The following ICA1 variants were observed in gnomAD, a reference collection of about 807,000 sequenced individuals.
The protein encoded by ICA1 is islet cell autoantigen 1, also known as 69 kDa islet cell autoantigen.
ICA1 carries 40 observed loss-of-function variants against 71.0 expected under a neutral mutation model. The ratio of observed to expected loss-of-function variants is 0.56; its 90% CI spans 0.44 to 0.73. The LOEUF is 0.73. Ranked by LOEUF, ICA1 falls within the 30% of genes least tolerant of loss-of-function variation. The pLI is 0.00. For missense variants in ICA1, 578 were observed against 576.5 expected, an observed-to-expected ratio of 1.00 and a Z score of -0.03; for synonymous variants, 207 against 209.5, an observed-to-expected ratio of 0.99 and a Z score of 0.10.
chr7:8,206,065 A>T (rs936741259), intron 6 of ICA1, among the ~76,000 whole-genome samples: 2 of 152,250 alleles, frequency 1.3e-5, no homozygotes, highest in African/African-American at 4.8e-5. Flanking sequence ...CTGATGCTAA[A>T]CATAGAACAT....
chr7:8,147,294 T>C (rs573098546), intron 8 of ICA1, among the ~76,000 whole-genome samples: 2 of 152,134 alleles, frequency 1.3e-5, no homozygotes, highest in East Asian at 3.9e-4. Flanking sequence ...TTCAACCCCT[T>C]CCCCTGTTGG....
At chr7:8,215,642 G>A (rs564968168) in intron 6 of ICA1, among the ~76,000 whole-genome samples, 1 of 152,320 alleles carries the variant, frequency 6.6e-6, no homozygotes, top group East Asian at 1.9e-4. Flanking sequence ...ACAAATAAAT[G>A]AATGAGTGGA....
chr7:8,176,863 G>C (rs1458971965), intron 6 of ICA1, among the ~76,000 whole-genome samples: 3 of 152,168 alleles, frequency 2.0e-5, no homozygotes, highest in Non-Finnish European at 4.4e-5. Flanking sequence ...ATTTCACAAA[G>C]AAGGAAAGCA....
chr7:8,178,242 T>C (rs1020146443), intron 6 of ICA1, among the ~76,000 whole-genome samples: 1 of 152,166 alleles, frequency 6.6e-6, no homozygotes, highest in Admixed American at 6.5e-5. Flanking sequence ...CCATACCTTC[T>C]AGGAAGCACA....
At chr7:8,227,237 G>C (rs1798857752) in intron 4 of ICA1, among the ~76,000 whole-genome samples, 1 of 152,166 alleles carries the variant, frequency 6.6e-6, no homozygotes, top group African/African-American at 2.4e-5. Context: ...TACTTTGATT[G>C]AAAGCAGTGC....
chr7:8,237,307 T>C lies in ICA1; in HGVS notation c.-79-1302A>G, dbSNP rs899784982. Among the ~76,000 whole-genome samples, 10 of 152,286 alleles carry C rather than the reference T, an allele frequency of 6.6e-5. No homozygotes were observed. The South Asian group carries it at 1.0e-3, about 16-fold the overall frequency. ...CAGACAGCTTCACTGTAAGTACACATTTACTTTAGTTAGCTTGAAATTTCC... is the reference window on the plus strand; with the variant it reads ...CAGACAGCTTCACTGTAAGTACACACTTACTTTAGTTAGCTTGAAATTTCC... On this transcript the variant is annotated intron_variant, in intron 1 of 13. Coordinates refer to ENST00000402384, the MANE Select transcript of ICA1 (RefSeq NM_001136020.3).
chr7:8,160,477 A>G (rs1247547687), intron 6 of ICA1, among the ~76,000 whole-genome samples: 1 of 152,204 alleles, frequency 6.6e-6, no homozygotes, highest in Non-Finnish European at 1.5e-5. Context: ...AAGCCATGCT[A>G]TTCTGCCTCC....
At chr7:8,185,162 C>G (rs539413027) in intron 6 of ICA1, among the ~76,000 whole-genome samples, 1 of 151,706 alleles carries the variant, frequency 6.6e-6, no homozygotes, top group South Asian at 2.1e-4. Flanking sequence ...AAAGTCAGCT[C>G]AAATTCAAAC....
At chr7:8,259,813 A>G (rs1270944272) in intron 1 of ICA1, among the ~76,000 whole-genome samples, 2 of 152,240 alleles carry the variant, frequency 1.3e-5, no homozygotes, top group Admixed American at 1.3e-4. Context: ...GAAATGTATC[A>G]GCTTGGGAAT....
chr7:8,181,210 T>C (rs1782107220), intron 6 of ICA1, among the ~76,000 whole-genome samples: 1 of 152,264 alleles, frequency 6.6e-6, no homozygotes, highest in African/African-American at 2.4e-5. Context: ...ATCCAACTGA[T>C]CCAGCGTAAT....
At chr7:8,139,991 C>T (rs930846998) in intron 10 of ICA1, among the ~76,000 whole-genome samples, 5 of 152,082 alleles carry the variant, frequency 3.3e-5, no homozygotes, top group South Asian at 2.1e-4. Context: ...ACAAGATGAT[C>T]GACATTTACA....
intron 2 of ICA1, among the ~76,000 whole-genome samples, chr7:8,235,507 T>C (rs561934968): frequency 2.7e-4 from 41 of 152,224 alleles, no homozygotes; most frequent in Admixed American, 5.9e-4. Context: ...GCACGAGTCG[T>C]GTGTGGTTGT....
At chr7:8,197,133 A>G (rs1401662972) in intron 6 of ICA1, among the ~76,000 whole-genome samples, 1 of 152,046 alleles carries the variant, frequency 6.6e-6, no homozygotes, top group Non-Finnish European at 1.5e-5. Context: ...GGGAAGGGGT[A>G]AAAAAGACAG....
intron 13 of ICA1, among the ~76,000 whole-genome samples, chr7:8,124,521 A>G (rs907035698): frequency 8.6e-5 from 13 of 151,934 alleles, no homozygotes; most frequent in Non-Finnish European, 1.6e-4. Flanking sequence ...TGAGGGTCCT[A>G]ATAGAAGAAT....
intron 1 of ICA1, among the ~76,000 whole-genome samples, chr7:8,249,138 A>G (rs1280104266): frequency 6.6e-6 from 1 of 152,268 alleles, no homozygotes; most frequent in Non-Finnish European, 1.5e-5. Context: ...GCTCCCTGTG[A>G]TGGGGCACAA....
At chr7:8,155,117 G>A (rs1042396652) in intron 8 of ICA1, among the ~76,000 whole-genome samples, 1 of 152,136 alleles carries the variant, frequency 6.6e-6, no homozygotes, top group African/African-American at 2.4e-5. Flanking sequence ...CAAAAGTACA[G>A]TTTATTTGGT....
At chr7:8,201,276 T>C (rs994203808) in intron 6 of ICA1, among the ~76,000 whole-genome samples, 1 of 152,174 alleles carries the variant, frequency 6.6e-6, no homozygotes, top group Non-Finnish European at 1.5e-5. Flanking sequence ...GACAATAAAC[T>C]TGAAACTCGG....
intron 4 of ICA1, chr7:8,227,646 G>A (rs769486460): frequency 3.8e-5 from 14 of 364,592 alleles, no homozygotes; most frequent in Admixed American, 2.0e-4. Flanking sequence ...ACCTTCTGTC[G>A]CCCAGGCTGG....
intron 6 of ICA1, among the ~76,000 whole-genome samples, chr7:8,165,274 C>G (rs1384391371): frequency 6.6e-6 from 1 of 152,156 alleles, no homozygotes; most frequent in Non-Finnish European, 1.5e-5. Context: ...ATATATGCAT[C>G]CACTCATGGC....
Sources: allele counts gnomAD v4.1 joint callset (sites outside exome capture counted in the v4.1 genomes callset), GRCh38; gene constraint gnomAD v4.1.1; transcripts MANE v1.5; gene names NCBI Gene and HGNC (gene_info 2026-07-23, HGNC 2026-07-21).